CFHR5: variants seen among roughly 807,000 people sequenced by gnomAD.
The protein encoded by CFHR5 is complement factor H-related protein 5.
CFHR5 carries 73 observed loss-of-function variants against 62.9 expected under a neutral mutation model. That is an observed-to-expected ratio of 1.16 (90% CI 0.96 to 1.41). CFHR5 has a LOEUF of 1.41. Among genes scored for constraint, CFHR5 ranks in the 40% most tolerant of loss-of-function variants. CFHR5 has a pLI of 0.00. For missense variants in CFHR5, 779 were observed against 679.9 expected (o/e 1.15, Z -1.62); for synonymous variants, 249 against 227.2 (o/e 1.10, Z -0.86).
chr1:196,982,866 T>C lies in CFHR5; in HGVS notation c.59-19T>C, dbSNP rs757534186. 12 of 1,601,494 alleles carry C rather than the reference T, an allele frequency of 7.5e-6. 1 individual carries two copies. In the South Asian group the frequency reaches 1.3e-4, roughly 18 times the overall value. The stretch of plus-strand genomic sequence containing the variant: ...GTAGCTCTTTATTTAATTCTTCAGT[T>C]TTGTGTTATTTTTCCCAGGAACACT... On this transcript the variant is annotated intron_variant, in intron 1 of 9. Transcript: ENST00000256785.
chr1:196,983,968 T>C lies in CFHR5; in HGVS notation c.261T>C (p.Cys87=), dbSNP rs886595279. 1.2e-6 allele frequency: 2 copies of C among 1,609,176 alleles called. No individual in the cohort carries two copies. The highest frequency in any genetic ancestry group is 1.7e-6 in the Non-Finnish European group (2 of 1,176,684). Residue 87 remains cysteine, a synonymous_variant, in exon 3 of 10, where the codon TGT becomes TGC. Coordinates refer to ENST00000256785, the MANE Select transcript of CFHR5 (RefSeq NM_030787.4). ...WSPTPKCLRM[C]SFPFVKNGHS... ...TCAATTTTTGTTCCTTAGGAATGTG[T>C]TCCTTTCCTTTTGTGAAAAATGGTC...
chr1:196,979,906 A>G (rs1389498845), intron 1 of CFHR5, among the ~76,000 whole-genome samples: 2 of 152,246 alleles, frequency 1.3e-5, no homozygotes, highest in East Asian at 1.9e-4. Context: ...TCAACTGAAA[A>G]TCTTTTAACT....
chr1:196,998,375 T>G lies in CFHR5; in HGVS notation c.1147+71T>G, dbSNP rs1239254021. 11 of 1,229,670 alleles carry G rather than the reference T, an allele frequency of 8.9e-6. No homozygotes were observed. The African/African-American group carries it at 1.5e-4, about 17-fold the overall frequency. The allele number at this position is 1,229,670 out of a possible 1,614,324, so 76.2% of individuals were successfully genotyped here. A position where few individuals can be genotyped will look rare whatever the true frequency, so the allele number is the denominator to read the frequency against. ...AAGAAAAATTATTTTGAAATTAGAA[T>G]GTTTTTAAATTAAATATTTATTGTG... On this transcript the variant is annotated intron_variant, in intron 7 of 9. Transcript: ENST00000256785.
intron 1 of CFHR5, among the ~76,000 whole-genome samples, chr1:196,982,008 T>C (rs751384056): frequency 1.9e-4 from 29 of 152,158 alleles, no homozygotes; most frequent in Non-Finnish European, 3.8e-4. Context: ...TCTTAGTGAT[T>C]TTCTTATACT....
At chr1:197,007,230 C>G (rs1400586813) in intron 9 of CFHR5, among the ~76,000 whole-genome samples, 1 of 150,816 alleles carries the variant, frequency 6.6e-6, no homozygotes, top group Non-Finnish European at 1.5e-5. Flanking sequence ...AAGGCCCTGG[C>G]AGAGATAGAT....
chr1:197,006,266 A>G (rs1654284369), intron 9 of CFHR5, among the ~76,000 whole-genome samples: 1 of 152,162 alleles, frequency 6.6e-6, no homozygotes, highest in African/African-American at 2.4e-5. Context: ...TTGAACAATA[A>G]CAAACACAAA....
chr1:196,983,155 T>C, intron 2 of CFHR5, 76 bp downstream of exon 2: 3 of 1,592,790 alleles, frequency 1.9e-6, no homozygotes, highest in Middle Eastern at 1.7e-4. Flanking sequence ...GATCATAAGG[T>C]CTTGATAATC....
intron 9 of CFHR5, among the ~76,000 whole-genome samples, chr1:197,006,777 T>A (rs907245530): frequency 6.6e-6 from 1 of 152,136 alleles, no homozygotes; most frequent in Non-Finnish European, 1.5e-5. Context: ...TTCATGGGTA[T>A]TGAATGAAGT....
At chr1:196,997,139 G>A (rs1389048500) in intron 6 of CFHR5, among the ~76,000 whole-genome samples, 1 of 151,974 alleles carries the variant, frequency 6.6e-6, no homozygotes, top group Admixed American at 6.6e-5. Context: ...TCCATCTCCT[G>A]GACTTTTGGA....
chr1:196,983,368 C>T lies in CFHR5; in HGVS notation c.253+289C>T, dbSNP rs1759016. Among the ~76,000 whole-genome samples the T allele has an allele frequency of 0.42, 63,576 of 152,040 alleles. 15,529 individuals carry two copies. The highest frequency in any genetic ancestry group is 0.69 in the African/African-American group (28,521 of 41,466). On this transcript the variant is annotated intron_variant, in intron 2 of 9. Transcript: ENST00000256785. ...TAATAGTTCTTTACTAATATTCATT[C>T]GGTAGCAGCCTGATCATAGTTTTCC...
In CFHR5 at chr1:196,995,755, A is replaced by T. The variant is rs138834145; in HGVS notation, c.646A>T (p.Asn216Tyr). 135 of 1,613,072 alleles carry T rather than the reference A, an allele frequency of 8.4e-5. No individual in the cohort carries two copies. Among genetic ancestry groups the T allele is most frequent in the Non-Finnish European group, 1.1e-4 (127 of 1,179,232 alleles). Residue 216 changes from asparagine (N) to tyrosine (Y), a missense_variant, in exon 5 of 10, where the codon AAT becomes TAT. Transcript: ENST00000256785. Reference protein sequence around the residue: ...RSCGPPPQLSNGEVKEIRKEE... With the variant: ...RSCGPPPQLSYGEVKEIRKEE... ...ATGTGGTCCACCTCCTCAACTCTCCAATGGTGAAGTTAAGGAGATAAGAAA... is the reference window on the plus strand; with the variant it reads ...ATGTGGTCCACCTCCTCAACTCTCCTATGGTGAAGTTAAGGAGATAAGAAA...
chr1:196,995,995 A>G (rs750207775), intron 5 of CFHR5, 27 bp from the exon 6 acceptor site: 27 of 1,609,242 alleles, frequency 1.7e-5, no homozygotes, highest in Non-Finnish European at 2.3e-5. Flanking sequence ...TTTCAGAGTA[A>G]GCACTCATTT....
At position 196,996,083 on chromosome 1, in the gene CFHR5, C is replaced by T. The variant is rs1438592130; in HGVS notation, c.852C>T (p.Val284=). The change falls in exon 6 of 10, where the codon GTC becomes GTT. Residue 284 remains valine, a synonymous_variant. Coordinates refer to ENST00000256785, the MANE Select transcript of CFHR5 (RefSeq NM_030787.4). ...ELEYGYVQPS[V]PPYQHGVSVE... ...AGTACGGTTATGTTCAGCCGTCTGT[C>T]CCTCCCTATCAACATGGAGTTTCAG... 4 of 1,613,580 alleles carry T rather than the reference C, an allele frequency of 2.5e-6. No homozygotes were observed. The highest frequency in any genetic ancestry group is 1.1e-5 in the South Asian group (1 of 91,080).
chr1:196,976,799 CTTTTTT>C (rs10588279), upstream of CFHR5, among the ~76,000 whole-genome samples: 17 of 98,154 alleles, frequency 1.7e-4, no homozygotes, highest in African/African-American at 8.0e-4. Context: ...AAAAATTATT[CTTTTTT>C]TTTTTTTTTT....
intron 1 of CFHR5, among the ~76,000 whole-genome samples, chr1:196,979,235 G>T (rs1653473214): frequency 6.8e-6 from 1 of 147,192 alleles, no homozygotes; most frequent in South Asian, 2.2e-4. Context: ...AAATTGCAAG[G>T]TTTTATATAT....
chr1:197,009,259 A>C lies in CFHR5; in HGVS notation c.*576A>C, dbSNP rs1165385575. On this transcript the variant is annotated 3_prime_UTR_variant, in exon 10 of 10. Coordinates refer to ENST00000256785, the MANE Select transcript of CFHR5 (RefSeq NM_030787.4). ...AATCACCTTCTAAAGATCTCACCTG[A>C]CAACACTGTTGCATTGGCAGTTAAG... is the stretch of plus-strand genomic sequence containing the variant. 6 of 152,378 alleles carry C rather than the reference A, an allele frequency of 3.9e-5. No individual in the cohort carries two copies. The highest frequency in any genetic ancestry group is 1.4e-4 in the African/African-American group (6 of 41,448). 9.4% of individuals were successfully genotyped at this position (152,378 alleles called of 1,614,324 possible).
chr1:196,998,196 A>G lies in CFHR5; in HGVS notation c.1039A>G (p.Lys347Glu). ...NIKTLLKLSG[K>E]EFNHNSRIRY... The stretch of plus-strand genomic sequence containing the variant: ...AAAAACATTACTCAAGCTATCTGGG[A>G]AAGAATTTAATCATAATTCTAGAAT... The change falls in exon 7 of 10, where the codon AAA becomes GAA. Residue 347 changes from lysine (K) to glutamate (E), a missense_variant. Coordinates refer to ENST00000256785, the MANE Select transcript of CFHR5 (RefSeq NM_030787.4). 1 of 1,604,406 alleles carries G rather than the reference A, an allele frequency of 6.2e-7. No individual in the cohort carries two copies. The highest frequency in any genetic ancestry group is 1.1e-5 in the South Asian group (1 of 89,706).
At chr1:196,992,234 T>A (rs1344673145) in intron 3 of CFHR5, among the ~76,000 whole-genome samples, 1 of 152,168 alleles carries the variant, frequency 6.6e-6, no homozygotes, top group Non-Finnish European at 1.5e-5. Flanking sequence ...TCCTGGAGAC[T>A]GGACACACCA....
rs201504887 is a variant in CFHR5 at position 196,996,014 on chromosome 1, T to A, written c.791-8T>A. The A allele has an allele frequency of 3.7e-5, 60 of 1,613,406 alleles. No individual in the cohort carries two copies. The highest frequency in any genetic ancestry group is 2.1e-4 in the South Asian group (19 of 91,070). On this transcript the variant is annotated splice_region_variant and splice_polypyrimidine_tract_variant and intron_variant, in intron 5 of 9. Coordinates refer to ENST00000256785, the MANE Select transcript of CFHR5 (RefSeq NM_030787.4). ...AGAGTAAGCACTCATTTTATTACAT[T>A]TTCTTAGAACAAGTGAAAACATGTG...
Sources: gnomAD v4.1 joint callset for allele counts (sites outside exome capture counted in the v4.1 genomes callset) on GRCh38, gnomAD v4.1.1 for gene constraint, MANE v1.5 for transcripts, NCBI Gene and HGNC (gene_info 2026-07-23, HGNC 2026-07-21) for gene names.